FBLN1: variants seen among roughly 807,000 people sequenced by gnomAD.
FBLN1 encodes fibulin 1.
Under a neutral mutation model 89.7 loss-of-function variants are expected in FBLN1, and 34 were observed. The ratio of observed to expected loss-of-function variants is 0.38; its 90% CI spans 0.29 to 0.50. The LOEUF is 0.50. Ranked by LOEUF, FBLN1 falls within the 20% of genes least tolerant of loss-of-function variation. The pLI, the probability that FBLN1 is intolerant of heterozygous loss-of-function variation, is 0.92. For missense variants in FBLN1, 777 were observed against 988.1 expected, an observed-to-expected ratio of 0.79 and a Z score of 2.86; for synonymous variants, 393 against 391.3, an observed-to-expected ratio of 1.00 and a Z score of -0.05.
rs144951714 is a variant in FBLN1, at chr22:45,572,230, G to A, written c.1698-2281G>A. 0.011 allele frequency among the ~76,000 whole-genome samples: 1,659 copies of A among 152,296 alleles called. 15 individuals carry two copies. The highest frequency in any genetic ancestry group is 0.018 in the Non-Finnish European group (1,223 of 68,016). On this transcript the variant is annotated intron_variant, in intron 14 of 16. Coordinates refer to ENST00000327858, the MANE Select transcript of FBLN1 (RefSeq NM_006486.3). This position sits in a 1 kb window ranked among gnomAD's most constrained non-coding sequence, Gnocchi z 5.8. ...ATTCCAGGTCTTGGGCAGTAAAAGT[G>A]TAAAATGAGGCTGGATCATCTCGTC...
Position 45,556,198 on chromosome 22 carries a change from G to A in FBLN1, c.1697+5583G>A, listed in dbSNP as rs2088786102. Among the ~76,000 whole-genome samples, 1 of 152,182 alleles carries A rather than the reference G, an allele frequency of 6.6e-6. No individual in the cohort carries two copies. Among genetic ancestry groups the A allele is most frequent in the Non-Finnish European group, 1.5e-5 (1 of 68,042 alleles). ...TTAAGTAGAGATGGGGTTTCACCAT[G>A]TGGGTCAGGCTGGTCTTGAGCTCCT... On this transcript the variant is annotated intron_variant, in intron 14 of 16. Coordinates refer to ENST00000327858, the MANE Select transcript of FBLN1 (RefSeq NM_006486.3). This position sits in a 1 kb window ranked among gnomAD's most constrained non-coding sequence, Gnocchi z 4.6.
chr22:45,514,590 C>T (rs1439282430), intron 1 of FBLN1, among the ~76,000 whole-genome samples: 1 of 152,176 alleles, frequency 6.6e-6, no homozygotes, highest in African/African-American at 2.4e-5. Flanking sequence ...TGCCTCCACC[C>T]CCTGGGACGA....
rs994483009 is a variant in FBLN1, at chr22:45,547,399, T to G, written c.1441+195T>G. Among the ~76,000 whole-genome samples, 9 of 140,762 alleles carry G rather than the reference T, an allele frequency of 6.4e-5. No individual in the cohort carries two copies. In the East Asian group the frequency reaches 1.4e-3, roughly 23 times the overall value. The allele number at this position is 140,762 out of a possible 152,430, so 92.3% of individuals were successfully genotyped here. A position where few individuals can be genotyped will look rare whatever the true frequency, so the allele number is the denominator to read the frequency against. ...CCTCCAACTGAGGTTTTTTTTTTTT[T>G]TTTTTTTTTTTTTTGAGACACGGTC... On this transcript the variant is annotated intron_variant, in intron 12 of 16. Coordinates refer to ENST00000327858, the MANE Select transcript of FBLN1 (RefSeq NM_006486.3).
At chr22:45,510,364 T>C (rs78533133) in intron 1 of FBLN1, among the ~76,000 whole-genome samples, 4,990 of 152,246 alleles carry the variant, frequency 0.033, 272 homozygotes, top group African/African-American at 0.12. Flanking sequence ...CAGGGTGGGA[T>C]TGGGGAAGCC....
At position 45,579,859 on chromosome 22, in the gene FBLN1, G is replaced by A. The variant is rs2089028114; in HGVS notation, c.1972+2751G>A. On this transcript the variant is annotated intron_variant, in intron 16 of 16. Transcript: ENST00000327858. This position sits in a 1 kb window ranked among gnomAD's most constrained non-coding sequence, Gnocchi z 5.5. ...AGAATAACTTCCATACATCCTGGGA[G>A]CTTCCTGGTCCCTAGGGGCAGCCAT... Among the ~76,000 whole-genome samples, 1 of 152,052 alleles carries A rather than the reference G, an allele frequency of 6.6e-6. No individual in the cohort carries two copies.
intron 16 of FBLN1, among the ~76,000 whole-genome samples, chr22:45,584,763 T>C (rs1030092703): frequency 6.6e-6 from 1 of 152,132 alleles, no homozygotes; most frequent in African/African-American, 2.4e-5. Flanking sequence ...TCAAGGATGA[T>C]GGGACAGGGC....
Position 45,577,245 on chromosome 22 carries a change from G to C in FBLN1, c.1972+137G>C. 2 of 963,992 alleles carry C rather than the reference G, an allele frequency of 2.1e-6. No individual in the cohort carries two copies. The highest frequency in any genetic ancestry group is 3.2e-6 in the Non-Finnish European group (2 of 624,442). 59.7% of individuals were successfully genotyped at this position (963,992 alleles called of 1,614,324 possible). A position where few individuals can be genotyped will look rare whatever the true frequency, so the allele number is the denominator to read the frequency against. On this transcript the variant is annotated intron_variant, in intron 16 of 16. Coordinates refer to ENST00000327858, the MANE Select transcript of FBLN1 (RefSeq NM_006486.3). This position sits in a 1 kb window ranked among gnomAD's most constrained non-coding sequence, Gnocchi z 6.6. ...CCCAACCTTCAGGGCCCAGCGCCGA[G>C]GCCACCACAGCTCCCAATCGGTCTC... is the stretch of plus-strand genomic sequence containing the variant.
rs1031532858 is a variant in FBLN1 at position 45,561,775 on chromosome 22, G to A, written c.1697+11160G>A. On this transcript the variant is annotated intron_variant, in intron 14 of 16. Coordinates refer to ENST00000327858, the MANE Select transcript of FBLN1 (RefSeq NM_006486.3). This position sits in a 1 kb window ranked among gnomAD's most constrained non-coding sequence, Gnocchi z 4.7. Reference sequence around the variant, plus strand: ...AAGCATTAACTCACACGATCACAAGGTCCCACAATAGGCCATCTGAAGGCT... The same window carrying A: ...AAGCATTAACTCACACGATCACAAGATCCCACAATAGGCCATCTGAAGGCT... 3.3e-5 allele frequency among the ~76,000 whole-genome samples: 5 copies of A among 152,104 alleles called. No individual in the cohort carries two copies. Among genetic ancestry groups the A allele is most frequent in the African/African-American group, 1.2e-4 (5 of 41,410 alleles).
At chr22:45,571,381 T>C (rs1278899885) in intron 14 of FBLN1, among the ~76,000 whole-genome samples, 1 of 152,226 alleles carries the variant, frequency 6.6e-6, no homozygotes, top group African/African-American at 2.4e-5. Context: ...AACATTCAGT[T>C]ACTTCTAAAA....
chr22:45,523,067 C>T (rs1270361987), intron 2 of FBLN1: 3 of 741,862 alleles, frequency 4.0e-6, no homozygotes, highest in East Asian at 2.5e-5. Context: ...GGGGCTTCTG[C>T]TCATGGTGGG....
At chr22:45,584,010 G>GC (rs2089064186) in intron 16 of FBLN1, among the ~76,000 whole-genome samples, 1 of 152,138 alleles carries the variant, frequency 6.6e-6, no homozygotes, top group African/African-American at 2.4e-5. Flanking sequence ...GTTGTATCCA[G>GC]CTGTCCCATA....
chr22:45,512,403 C>G (rs1408599471), intron 1 of FBLN1, among the ~76,000 whole-genome samples: 2 of 152,004 alleles, frequency 1.3e-5, no homozygotes, highest in Non-Finnish European at 2.9e-5. Context: ...ATCTGTTAGC[C>G]CCAGTCCCCT....
At chr22:45,584,298 C>T (rs141317732) in intron 16 of FBLN1, among the ~76,000 whole-genome samples, 1,803 of 152,280 alleles carry the variant, frequency 0.012, 21 homozygotes, top group Middle Eastern at 0.034. Context: ...AGTGTGTCAA[C>T]GCGCTCCTGC....
intron 1 of FBLN1, chr22:45,517,476 T>C (rs1602166105): frequency 4.4e-6 from 2 of 458,216 alleles, no homozygotes; most frequent in East Asian, 1.4e-4. Context: ...GGCTGGGGCA[T>C]GGGGCACAAG....
At position 45,574,534 on chromosome 22, in the gene FBLN1, C is replaced by T. The variant is rs200901023; in HGVS notation, c.1721C>T (p.Thr574Met). ...AATLQQEKTD[T>M]VRCIKSCRPN... ...AGGCTCCAGCAGGAGAAGACAGACACGGTCCGCTGCATCAAGTCCTGCCGC... is the reference window on the plus strand; with the variant it reads ...AGGCTCCAGCAGGAGAAGACAGACATGGTCCGCTGCATCAAGTCCTGCCGC... The change falls in exon 15 of 17, where the codon ACG becomes ATG. Residue 574 changes from threonine to methionine, a missense_variant. By Grantham distance (81) the Thr-to-Met change is moderately conservative (BLOSUM62 -1). Transcript: ENST00000327858. The surrounding 1 kb of genome is among the most constrained non-coding windows in gnomAD (Gnocchi z 4.1). 2.0e-5 allele frequency: 32 copies of T among 1,614,132 alleles called. 1 individual carries two copies. The highest frequency in any genetic ancestry group is 1.8e-4 in the East Asian group (8 of 44,864).
At chr22:45,546,990 G>T in intron 11 of FBLN1, 95 bp from the exon 12 acceptor site, 1 of 1,583,500 alleles carries the variant, frequency 6.3e-7, no homozygotes, top group Non-Finnish European at 8.6e-7. Context: ...CCTGAGGGAG[G>T]TGGAGAGGAG....
intron 1 of FBLN1, among the ~76,000 whole-genome samples, chr22:45,516,284 A>G (rs532797305): frequency 6.6e-6 from 1 of 151,442 alleles, no homozygotes; most frequent in South Asian, 2.1e-4. Flanking sequence ...GGCTGCAGAA[A>G]GGGTGAAGGG....
chr22:45,543,610 A>C, intron 11 of FBLN1, 84 bp downstream of exon 11: 1 of 1,517,114 alleles, frequency 6.6e-7, no homozygotes, highest in Non-Finnish European at 9.0e-7. Context: ...GGTTTGCAGC[A>C]GATCCGCGAT....
intron 3 of FBLN1, 37 bp downstream of exon 3, chr22:45,525,715 C>A (rs1569239716): frequency 6.4e-7 from 1 of 1,550,972 alleles, no homozygotes. Flanking sequence ...GCTGCCCGTC[C>A]CCACTAGTCG....
Sources: gnomAD v4.1 joint callset for allele counts (sites outside exome capture counted in the v4.1 genomes callset) on GRCh38, gnomAD v4.1.1 for gene constraint, Gnocchi (gnomAD v3.1) non-coding constraint, MANE v1.5 for transcripts, NCBI Gene and HGNC (gene_info 2026-07-23, HGNC 2026-07-21) for gene names.